ZNF707: variants seen among roughly 807,000 people sequenced by gnomAD.
ZNF707 encodes zinc finger protein 707.
Under a neutral mutation model 13.3 loss-of-function variants are expected in ZNF707, and 8 were observed. The ratio of observed to expected loss-of-function variants is 0.60; its 90% CI spans 0.35 to 1.09. The LOEUF (loss-of-function observed/expected upper bound fraction) is 1.09. ZNF707 is among the 50% of genes least tolerant of loss of function. ZNF707 has a pLI of 0.02. For synonymous variants in ZNF707, 225 were observed against 205.6 expected, an observed-to-expected ratio of 1.09 and a Z score of -0.81; for missense variants, 530 against 512.6, an observed-to-expected ratio of 1.03 and a Z score of -0.33.
intron 3 of ZNF707, chr8:143,690,759 T>C (rs946954105): frequency 4.5e-5 from 16 of 354,866 alleles, no homozygotes; most frequent in Non-Finnish European, 8.2e-5. Context: ...ATCTGGTTTC[T>C]GGTGGGGGCC....
chr8:143,692,132 G>T, intron 5 of ZNF707: 1 of 1,308,602 alleles, frequency 7.6e-7, no homozygotes, highest in Non-Finnish European at 1.0e-6. Context: ...GTAGGAGTTT[G>T]CTCCACGTCC....
chr8:143,694,629 G>A lies in ZNF707; in HGVS notation c.*99G>A. 7.5e-7 allele frequency: 1 copy of A among 1,333,644 alleles called. No homozygotes were observed. Among genetic ancestry groups the A allele is most frequent in the Non-Finnish European group, 1.0e-6 (1 of 1,003,138 alleles). 82.6% of individuals were successfully genotyped at this position (1,333,644 alleles called of 1,614,324 possible). A position where few individuals can be genotyped will look rare whatever the true frequency, so the allele number is the denominator to read the frequency against. ...GCTCTTCAGCCTGGAAAATCAACCT[G>A]AATTCAGAGAAGCCTTCTTAGTCCT... is the stretch of plus-strand genomic sequence containing the variant. On this transcript the variant is annotated 3_prime_UTR_variant, in exon 6 of 6. Transcript: ENST00000358656. The surrounding 1 kb of genome is among the most constrained non-coding windows in gnomAD (Gnocchi z 4.4).
At chr8:143,692,159 G>T in intron 5 of ZNF707, 1 of 1,298,114 alleles carries the variant, frequency 7.7e-7, no homozygotes, top group Non-Finnish European at 1.0e-6. Flanking sequence ...GCAAAACTGG[G>T]ACAGTGGCCA....
intron 4 of ZNF707, 184 bp from the exon 5 acceptor site, chr8:143,691,416 G>A: frequency 9.4e-7 from 1 of 1,061,058 alleles, no homozygotes; most frequent in Non-Finnish European, 1.3e-6. Context: ...GACCTTGCCA[G>A]GGCCTTCCGT....
intron 5 of ZNF707, chr8:143,692,340 G>C (rs1554613885): frequency 7.8e-7 from 1 of 1,289,136 alleles, no homozygotes; most frequent in South Asian, 1.2e-5. Flanking sequence ...GGTGTGTGGA[G>C]CCCCCGACTG....
intron 1 of ZNF707, chr8:143,687,387 C>T (rs1554612413): frequency 6.6e-6 from 1 of 152,158 alleles, no homozygotes; most frequent in Admixed American, 6.5e-5. Flanking sequence ...CCAGGCCGGA[C>T]TGCAGGGGTG....
intron 1 of ZNF707, among the ~76,000 whole-genome samples, chr8:143,685,528 T>TTA (rs782575255): frequency 1.6e-5 from 2 of 128,312 alleles, no homozygotes; most frequent in African/African-American, 5.9e-5. Flanking sequence ...ATCATCTTAT[T>TTA]AAAAAAAAAA....
Position 143,694,154 on chromosome 8 carries a change from T to G in ZNF707, c.740T>G (p.Leu247Arg). 1 of 1,587,444 alleles carries G rather than the reference T, an allele frequency of 6.3e-7. No individual in the cohort carries two copies. The highest frequency in any genetic ancestry group is 8.6e-7 in the Non-Finnish European group (1 of 1,166,374). Residue 247 changes from leucine to arginine, a missense_variant, in exon 6 of 6, where the codon CTG becomes CGG. By Grantham distance (102) the Leu-to-Arg change is moderately radical. Coordinates refer to ENST00000358656, the MANE Select transcript of ZNF707 (RefSeq NM_001100598.2). This position sits in a 1 kb window ranked among gnomAD's most constrained non-coding sequence, Gnocchi z 4.4. Reference protein sequence around the residue: ...CGQAFSLKDRLAQHRKVHTEH... With the variant: ...CGQAFSLKDRRAQHRKVHTEH... ...CAGGCGTTCAGCCTGAAGGACCGCCTGGCTCAGCACCGCAAGGTCCACACC... is the reference window on the plus strand; with the variant it reads ...CAGGCGTTCAGCCTGAAGGACCGCCGGGCTCAGCACCGCAAGGTCCACACC...
chr8:143,693,769 A>T lies in ZNF707; in HGVS notation c.355A>T (p.Ser119Cys), dbSNP rs1554614311. The T allele has an allele frequency of 6.2e-7, 1 of 1,613,144 alleles. No homozygotes were observed. Residue 119 changes from serine (S) to cysteine (C), a missense_variant, in exon 6 of 6, where the codon AGC becomes TGC. Transcript: ENST00000358656. The surrounding 1 kb of genome is among the most constrained non-coding windows in gnomAD (Gnocchi z 4.1). ...GCGAGAAAGAGCCAGGGAAGGAAGC[A>T]GCTTTAGGAAGGGCTTCAGGCTGGA... The part of the protein sequence containing the change: ...VRRERAREGS[S>C]FRKGFRLDTD...
At chr8:143,686,232 G>A (rs1296490907) in intron 1 of ZNF707, among the ~76,000 whole-genome samples, 1 of 152,100 alleles carries the variant, frequency 6.6e-6, no homozygotes, top group African/African-American at 2.4e-5. Context: ...CAAGTAGCCT[G>A]GCTAATTTTT....
rs369200525 is a variant in ZNF707 at position 143,691,595 on chromosome 8, A to G, written c.143-5A>G. On this transcript the variant is annotated splice_polypyrimidine_tract_variant and splice_region_variant and intron_variant, in intron 4 of 5. Coordinates refer to ENST00000358656, the MANE Select transcript of ZNF707 (RefSeq NM_001100598.2). ...AAAACAGAAACTTTTCTCTCCTTTG[A>G]GAAGGATTTTGCAGCCCCAGACCAG... is the stretch of plus-strand genomic sequence containing the variant. The G allele has an allele frequency of 1.2e-6, 2 of 1,601,210 alleles. No homozygotes were observed. Among genetic ancestry groups the G allele is most frequent in the African/African-American group, 1.3e-5 (1 of 74,492 alleles).
Position 143,690,119 on chromosome 8 carries a change from C to G in ZNF707, c.11C>G (p.Ala4Gly). Reference sequence around the variant, plus strand: ...GGCCTCGCTGTTCCCATGGACATGGCCCAGGTGAGCCCTGCTGCTGCCGAG... The same window carrying G: ...GGCCTCGCTGTTCCCATGGACATGGGCCAGGTGAGCCCTGCTGCTGCCGAG... MDM[A>G]QEPVTFRDVA... is the part of the protein sequence containing the mutation. Residue 4 changes from alanine (A) to glycine (G), a missense_variant, in exon 3 of 6, where the codon GCC becomes GGC. Physicochemically the swap from Ala to Gly is moderately conservative, Grantham distance 60. Transcript: ENST00000358656. The G allele has an allele frequency of 6.2e-7, 1 of 1,607,140 alleles. No homozygotes were observed. Among genetic ancestry groups the G allele is most frequent in the Non-Finnish European group, 8.5e-7 (1 of 1,179,790 alleles).
chr8:143,690,022 C>G (rs566909285), intron 2 of ZNF707, 35 bp from the exon 3 acceptor site: 39 of 1,582,400 alleles, frequency 2.5e-5, no homozygotes, highest in Middle Eastern at 3.3e-4. Context: ...CATTCCCAGG[C>G]CGGCTATACC....
At position 143,693,869 on chromosome 8, in the gene ZNF707, T is replaced by G; in HGVS notation, c.455T>G (p.Val152Gly). ...AAGCCCACGGCTTTCCCGTGTCAGG[T>G]GCTCACGCAGCGTTGTGGGCGGCGG... The part of the protein sequence containing the change: ...DAKPTAFPCQ[V>G]LTQRCGRRPG... The change falls in exon 6 of 6, where the codon GTG becomes GGG. Residue 152 changes from valine to glycine, a missense_variant. By Grantham distance (109) the Val-to-Gly change is moderately radical. Coordinates refer to ENST00000358656, the MANE Select transcript of ZNF707 (RefSeq NM_001100598.2). This position sits in a 1 kb window ranked among gnomAD's most constrained non-coding sequence, Gnocchi z 4.1. 6.2e-7 allele frequency: 1 copy of G among 1,609,650 alleles called. No individual in the cohort carries two copies. Among genetic ancestry groups the G allele is most frequent in the South Asian group, 1.1e-5 (1 of 90,920 alleles).
chr8:143,692,291 G>A, intron 5 of ZNF707: 1 of 1,289,864 alleles, frequency 7.8e-7, no homozygotes, highest in South Asian at 1.2e-5. Flanking sequence ...GAGGTCCCCG[G>A]GTATGTGGAG....
At chr8:143,691,737 C>T (rs782102118) in intron 5 of ZNF707, 24 bp downstream of exon 5, 47 of 1,544,130 alleles carry the variant, frequency 3.0e-5, no homozygotes, top group Non-Finnish European at 3.6e-5. Context: ...TGTCTGGGCT[C>T]GGCGGGCCCC....
intron 5 of ZNF707, 144 bp downstream of exon 5, chr8:143,691,857 A>C: frequency 1.0e-6 from 1 of 963,246 alleles, no homozygotes; most frequent in South Asian, 1.5e-5. Flanking sequence ...TTAGACAGGC[A>C]TTAGAGACGT....
At chr8:143,691,928 G>A in intron 5 of ZNF707, 1 of 1,211,110 alleles carries the variant, frequency 8.3e-7, no homozygotes, top group Non-Finnish European at 1.2e-6. Flanking sequence ...GAAAGGCATA[G>A]TGCTGCAGGA....
intron 5 of ZNF707, among the ~76,000 whole-genome samples, chr8:143,692,902 C>T (rs921044106): frequency 2.0e-5 from 3 of 151,864 alleles, no homozygotes; most frequent in African/African-American, 7.3e-5. Flanking sequence ...TGTGGAGCCC[C>T]CGGCTGAAGG....
Sources: allele counts gnomAD v4.1 joint callset (sites outside exome capture counted in the v4.1 genomes callset), GRCh38; gene constraint gnomAD v4.1.1; non-coding constraint Gnocchi (gnomAD v3.1); transcripts MANE v1.5; gene names NCBI Gene and HGNC (gene_info 2026-07-23, HGNC 2026-07-21).